The following TUBG2 variants were observed in gnomAD, a reference collection of about 807,000 sequenced individuals.
The protein encoded by TUBG2 is tubulin gamma-2 chain.
A neutral mutation model predicts 55.1 loss-of-function variants in TUBG2; 39 were observed. The observed-to-expected ratio is 0.71, with a 90% CI of 0.55 to 0.93. TUBG2 has a LOEUF of 0.93. TUBG2 is among the 40% of genes least tolerant of loss of function. The probability of loss-of-function intolerance (pLI) is 0.00; values close to 1 mark genes in which losing one functional copy is unlikely to be tolerated. For missense variants in TUBG2, 358 were observed against 599.1 expected (o/e 0.60, Z 4.20); for synonymous variants, 223 against 241.0 (o/e 0.93, Z 0.69).
intron 3 of TUBG2, 147 bp downstream of exon 3, chr17:42,660,463 C>A: frequency 7.0e-7 from 1 of 1,423,988 alleles, no homozygotes; most frequent in Non-Finnish European, 9.6e-7. Flanking sequence ...GAGGTTTATG[C>A]AAATTTTGTG....
In TUBG2 at chr17:42,666,170, A is replaced by G. The variant is rs2052534976; in HGVS notation, c.927A>G (p.Arg309=). The G allele has an allele frequency of 4.3e-6, 7 of 1,613,858 alleles. No homozygotes were observed. The Admixed American group carries it at 1.2e-4, about 27-fold the overall frequency. The stretch of plus-strand genomic sequence containing the variant: ...AGAACGTGATGGTGTCCACAGGCCG[A>G]GACCGCCAGACCAACCACTGCTACA... ...QPKNVMVSTG[R]DRQTNHCYIA... The change falls in exon 9 of 11, where the codon CGA becomes CGG. Residue 309 remains arginine (R), a synonymous_variant. Transcript: ENST00000251412.
chr17:42,666,681 A>T lies in TUBG2; in HGVS notation c.1237A>T (p.Met413Leu), dbSNP rs1046097. Residue 413 changes from methionine (M) to leucine (L), a missense_variant, in exon 11 of 11, where the codon ATG (methionine) becomes TTG (leucine). Met to Leu is a conservative substitution (Grantham distance 15, BLOSUM62 2). This residue lies in a region of TUBG2 where 54 missense variants were observed against 50.2 expected (regional missense o/e 1.08). Transcript: ENST00000251412. ...CCTCGAGCAGTTCCGTAAGGAGGACATGTTCAAGGACAACTTTGATGAGAT... is the reference window on the plus strand; with the variant it reads ...CCTCGAGCAGTTCCGTAAGGAGGACTTGTTCAAGGACAACTTTGATGAGAT... ...AFLEQFRKED[M>L]FKDNFDEMDR... is the part of the protein sequence containing the mutation. 5 of 1,613,866 alleles carry T rather than the reference A, an allele frequency of 3.1e-6. No homozygotes were observed. Among genetic ancestry groups the T allele is most frequent in the African/African-American group, 1.3e-5 (1 of 74,920 alleles).
chr17:42,662,628 A>C (rs892272401), intron 4 of TUBG2, among the ~76,000 whole-genome samples: 3 of 152,102 alleles, frequency 2.0e-5, no homozygotes, highest in Non-Finnish European at 4.4e-5. Context: ...AATTGAAAAT[A>C]CCGTAAGTAG....
In TUBG2 at chr17:42,665,549, A is replaced by T. The variant is rs369370100; in HGVS notation, c.680A>T (p.Gln227Leu). Reference sequence around the variant, plus strand: ...CACATCCAGAACCCGTCCTTCTCCCAGATCAACCAGCTGGTGGGCCCCCAC... The same window carrying T: ...CACATCCAGAACCCGTCCTTCTCCCTGATCAACCAGCTGGTGGGCCCCCAC... ...RLHIQNPSFS[Q>L]INQLVSTIMS... Residue 227 changes from glutamine (Q) to leucine (L), a missense_variant, in exon 7 of 11, where the codon CAG (glutamine) becomes CTG (leucine). Physicochemically the swap from Gln to Leu is moderately radical, Grantham distance 113 (BLOSUM62 -2). Transcript: ENST00000251412. 4.5e-5 allele frequency: 72 copies of T among 1,613,926 alleles called. No homozygotes were observed. Among genetic ancestry groups the T allele is most frequent in the Non-Finnish European group, 6.0e-5 (71 of 1,179,996 alleles).
chr17:42,665,583 T>C (rs370868920), intron 7 of TUBG2, 21 bp downstream of exon 7: 1 of 1,613,908 alleles, frequency 6.2e-7, no homozygotes, highest in Admixed American at 1.7e-5. Context: ...ACTCCCGGAC[T>C]CCTTTGGACT....
At chr17:42,659,635 C>G in intron 1 of TUBG2, 83 bp downstream of exon 1, 1 of 1,443,882 alleles carries the variant, frequency 6.9e-7, no homozygotes, top group Admixed American at 2.4e-5. Context: ...CACCAGTCCC[C>G]CTTTCCCTTC....
intron 5 of TUBG2, 24 bp from the exon 6 acceptor site, chr17:42,663,353 T>C (rs370986064): frequency 5.4e-5 from 87 of 1,613,752 alleles, no homozygotes; most frequent in Non-Finnish European, 7.2e-5. Flanking sequence ...CGGTTCACTA[T>C]GCCACCATCC....
intron 8 of TUBG2, 21 bp from the exon 9 acceptor site, chr17:42,666,066 C>T: frequency 1.2e-6 from 2 of 1,613,922 alleles, no homozygotes; most frequent in Non-Finnish European, 8.5e-7. Flanking sequence ...TGGCCGGGTC[C>T]CTGTCTCACT....
rs948556103 is a variant in TUBG2, at chr17:42,665,989, T to G, written c.844-98T>G. ...GAGCGGGCGACTTTCTTGCTGACTT[T>G]CTCTCCACCCTCCCTCTGCCTTTGG... On this transcript the variant is annotated intron_variant, in intron 8 of 10. Transcript: ENST00000251412. The G allele has an allele frequency of 1.2e-5, 19 of 1,596,934 alleles. 1 individual carries two copies. The highest frequency in any genetic ancestry group is 8.1e-5 in the African/African-American group (6 of 74,116).
Position 42,659,414 on chromosome 17 carries a change from T to C in TUBG2, c.-90T>C. On this transcript the variant is annotated 5_prime_UTR_variant, in exon 1 of 11. Transcript: ENST00000251412. Reference sequence around the variant, plus strand: ...GTCAAGAGGCGAAGAGAGCGCGCGCTCCCCACGTCCTGCGCTCCTGGCTGC... The same window carrying C: ...GTCAAGAGGCGAAGAGAGCGCGCGCCCCCCACGTCCTGCGCTCCTGGCTGC... 7.3e-7 allele frequency: 1 copy of C among 1,365,322 alleles called. No individual in the cohort carries two copies. Among genetic ancestry groups the C allele is most frequent in the Non-Finnish European group, 9.9e-7 (1 of 1,010,582 alleles). 84.6% of individuals were successfully genotyped at this position (1,365,322 alleles called of 1,614,324 possible).
Position 42,666,680 on chromosome 17 carries a change from C to T in TUBG2, c.1236C>T (p.Asp412=), listed in dbSNP as rs764201323. Residue 412 remains aspartate (D), a synonymous_variant, in exon 11 of 11, where the codon GAC becomes GAT. Coordinates refer to ENST00000251412, the MANE Select transcript of TUBG2 (RefSeq NM_016437.3). Reference sequence around the variant, plus strand: ...TCCTCGAGCAGTTCCGTAAGGAGGACATGTTCAAGGACAACTTTGATGAGA... The same window carrying T: ...TCCTCGAGCAGTTCCGTAAGGAGGATATGTTCAAGGACAACTTTGATGAGA... ...DAFLEQFRKE[D]MFKDNFDEMD... The T allele has an allele frequency of 5.6e-6, 9 of 1,614,166 alleles. No homozygotes were observed. Among genetic ancestry groups the T allele is most frequent in the Admixed American group, 3.3e-5 (2 of 60,030 alleles).
intron 6 of TUBG2, 47 bp downstream of exon 6, chr17:42,663,550 G>C: frequency 6.2e-7 from 1 of 1,608,158 alleles, no homozygotes; most frequent in African/African-American, 1.3e-5. Context: ...GCTCATGCCT[G>C]TAGTTCTAGC....
At position 42,659,519 on chromosome 17, in the gene TUBG2, A is replaced by G. The variant is rs1223976735; in HGVS notation, c.16A>G (p.Ile6Val). 3.9e-6 allele frequency: 6 copies of G among 1,553,358 alleles called. No homozygotes were observed. The highest frequency in any genetic ancestry group is 2.4e-5 in the East Asian group (1 of 41,058). MPREI[I>V]TLQLGQCGNQ... ...CTGAAGAGCGATGCCCCGGGAGATC[A>G]TCACCCTGCAGCTGGGCCAGTGCGG... Residue 6 changes from isoleucine to valine, a missense_variant, in exon 1 of 11, where the codon ATC becomes GTC. By Grantham distance (29) the Ile-to-Val change is conservative (BLOSUM62 3). Around this residue, in one of 8 missense-constraint regions of TUBG2, gnomAD observed 17 missense variants for 16.9 expected, o/e 1.01. Transcript: ENST00000251412.
chr17:42,660,430 C>A, intron 3 of TUBG2, 114 bp downstream of exon 3: 1 of 1,534,468 alleles, frequency 6.5e-7, no homozygotes, highest in South Asian at 1.2e-5. Flanking sequence ...AAGGATGTCC[C>A]GAACAAGAGG....
intron 6 of TUBG2, among the ~76,000 whole-genome samples, chr17:42,665,196 C>T (rs938073535): frequency 6.6e-6 from 1 of 152,000 alleles, no homozygotes; most frequent in Non-Finnish European, 1.5e-5. Flanking sequence ...TACAGGCGCC[C>T]GCCAACATGC....
In TUBG2 at chr17:42,660,228, C is replaced by G. The variant is rs769095555; in HGVS notation, c.242C>G (p.Pro81Arg). 7.4e-6 allele frequency: 12 copies of G among 1,613,424 alleles called. No homozygotes were observed. The highest frequency in any genetic ancestry group is 5.5e-5 in the South Asian group (5 of 91,038). ...GTGATCCACTCCATCCTCAACTCCCCCTATGCCAAGCTCTACAACCCAGAG... is the reference window on the plus strand; with the variant it reads ...GTGATCCACTCCATCCTCAACTCCCGCTATGCCAAGCTCTACAACCCAGAG... ...PRVIHSILNS[P>R]YAKLYNPENI... The change falls in exon 3 of 11, where the codon CCC (proline) becomes CGC (arginine). Residue 81 changes from proline (P) to arginine (R), a missense_variant. Physicochemically the swap from Pro to Arg is moderately radical, Grantham distance 103 (BLOSUM62 -2). This residue lies in a region of TUBG2 where 32 missense variants were observed against 115.1 expected (regional missense o/e 0.28). Transcript: ENST00000251412.
chr17:42,660,026 C>G (rs2052347459), intron 2 of TUBG2, 80 bp downstream of exon 2: 19 of 1,417,968 alleles, frequency 1.3e-5, no homozygotes, highest in Non-Finnish European at 1.7e-5. Flanking sequence ...CTGGGAACCC[C>G]GCTGGGCAGT....
At position 42,663,471 on chromosome 17, in the gene TUBG2, C is replaced by T; in HGVS notation, c.574C>T (p.Leu192Phe). 6.2e-7 allele frequency: 1 copy of T among 1,614,128 alleles called. No homozygotes were observed. The highest frequency in any genetic ancestry group is 8.5e-7 in the Non-Finnish European group (1 of 1,179,992). Residue 192 changes from leucine to phenylalanine, a missense_variant, in exon 6 of 11, where the codon CTC (leucine) becomes TTC (phenylalanine). By Grantham distance (22) the Leu-to-Phe change is conservative. Transcript: ENST00000251412. The stretch of plus-strand genomic sequence containing the variant: ...TCAGCCCTACAATTCACTCCTGACA[C>T]TCAAGAGGCTGACGCAGAACGCAGA... ...VVQPYNSLLT[L>F]KRLTQNADCV...
intron 2 of TUBG2, 39 bp downstream of exon 2, chr17:42,659,985 A>C: frequency 6.5e-7 from 1 of 1,531,230 alleles, no homozygotes; most frequent in Non-Finnish European, 9.0e-7. Flanking sequence ...CAGTGGCCCA[A>C]GGGGGCGGAA....
Sources: allele counts gnomAD v4.1 joint callset (sites outside exome capture counted in the v4.1 genomes callset), GRCh38; gene constraint gnomAD v4.1.1; regional missense constraint gnomAD v4.1.1; transcripts MANE v1.5; gene names NCBI Gene and HGNC (gene_info 2026-07-23, HGNC 2026-07-21).